BMPER: variants seen among roughly 807,000 people sequenced by gnomAD.
BMPER encodes the protein BMP binding endothelial regulator.
A neutral mutation model predicts 87.3 loss-of-function variants in BMPER; 45 were observed. The ratio of observed to expected loss-of-function variants is 0.52; its 90% CI spans 0.41 to 0.66. The LOEUF (loss-of-function observed/expected upper bound fraction) is 0.66. Among genes scored for constraint, BMPER ranks in the 30% least tolerant of loss-of-function variants. The pLI, the probability that BMPER is intolerant of heterozygous loss-of-function variation, is 0.00. For synonymous variants in BMPER, 326 were observed against 316.2 expected, an observed-to-expected ratio of 1.03 and a Z score of -0.33; for missense variants, 784 against 867.5, an observed-to-expected ratio of 0.90 and a Z score of 1.21.
At chr7:34,047,380 G>C (rs1788003057) in intron 7 of BMPER, among the ~76,000 whole-genome samples, 1 of 152,088 alleles carries the variant, frequency 6.6e-6, no homozygotes, top group South Asian at 2.1e-4. Flanking sequence ...CTGGGTTCAA[G>C]TGATTCTTGT....
chr7:33,907,744 C>G (rs1178372950), intron 2 of BMPER, among the ~76,000 whole-genome samples: 1 of 152,152 alleles, frequency 6.6e-6, no homozygotes, highest in Non-Finnish European at 1.5e-5. Flanking sequence ...CATTATAAAA[C>G]CTTGTTGGAA....
At chr7:34,084,640 T>G (rs774235142) in intron 12 of BMPER, among the ~76,000 whole-genome samples, 4 of 152,228 alleles carry the variant, frequency 2.6e-5, no homozygotes, top group Non-Finnish European at 5.9e-5. Flanking sequence ...CAGAAGACTT[T>G]TCATGAAAGC....
chr7:34,140,506 A>G (rs1430052867), intron 13 of BMPER, among the ~76,000 whole-genome samples: 2 of 152,364 alleles, frequency 1.3e-5, no homozygotes, highest in Middle Eastern at 3.4e-3. Context: ...TTGATCATAT[A>G]AAAAGCTCAC....
At chr7:33,979,915 C>A (rs915361875) in intron 6 of BMPER, among the ~76,000 whole-genome samples, 1 of 152,206 alleles carries the variant, frequency 6.6e-6, no homozygotes, top group African/African-American at 2.4e-5. Context: ...GGAAGACACT[C>A]GTCTTATGGA....
At chr7:33,984,127 G>A (rs919730388) in intron 6 of BMPER, among the ~76,000 whole-genome samples, 4 of 152,024 alleles carry the variant, frequency 2.6e-5, no homozygotes, top group Non-Finnish European at 4.4e-5. Flanking sequence ...GATAGTTTCC[G>A]GGCAGAGCCA....
chr7:33,966,532 G>A lies in BMPER; in HGVS notation c.373G>A (p.Ala125Thr), dbSNP rs1785410246. ...CAGCTCCTTCAAATGGCAGAGCCCG[G>A]CTGAGCCTTGTGTTCTACGCCAGTG... ...YNSSFKWQSP[A>T]EPCVLRQCQE... The change falls in exon 4 of 15, where the codon GCT (alanine) becomes ACT (threonine). Residue 125 changes from alanine (A) to threonine (T), a missense_variant. Physicochemically the swap from Ala to Thr is moderately conservative, Grantham distance 58 (BLOSUM62 0). Coordinates refer to ENST00000649409, the MANE Select transcript of BMPER (RefSeq NM_001365308.1). The A allele has an allele frequency of 1.2e-6, 2 of 1,613,694 alleles. No homozygotes were observed. The highest frequency in any genetic ancestry group is 1.3e-5 in the African/African-American group (1 of 74,918).
intron 3 of BMPER, among the ~76,000 whole-genome samples, chr7:33,944,942 G>A (rs1460749780): frequency 1.3e-5 from 2 of 152,024 alleles, no homozygotes; most frequent in East Asian, 3.9e-4. Context: ...CATTATTCCT[G>A]CAGGCAAACA....
At chr7:34,015,920 A>G (rs1039631170) in intron 6 of BMPER, among the ~76,000 whole-genome samples, 2 of 151,824 alleles carry the variant, frequency 1.3e-5, no homozygotes, top group African/African-American at 4.8e-5. Context: ...CATTTTTGGA[A>G]TCGTGACTTT....
At chr7:33,939,570 A>C (rs1784699196) in intron 3 of BMPER, among the ~76,000 whole-genome samples, 1 of 152,142 alleles carries the variant, frequency 6.6e-6, no homozygotes. Context: ...TAATCCCCAT[A>C]TGTCAAGGGA....
intron 13 of BMPER, among the ~76,000 whole-genome samples, chr7:34,139,585 A>G (rs1365842817): frequency 6.6e-6 from 1 of 152,236 alleles, no homozygotes; most frequent in Non-Finnish European, 1.5e-5. Context: ...AAATACAGGT[A>G]AGAAAATTAA....
Position 33,912,757 on chromosome 7 carries a change from C to T in BMPER, c.219+5854C>T, listed in dbSNP as rs146289082. 3.4e-3 allele frequency among the ~76,000 whole-genome samples: 511 copies of T among 152,276 alleles called. 2 individuals carry two copies. Among genetic ancestry groups the T allele is most frequent in the African/African-American group, 0.012 (489 of 41,554 alleles). On this transcript the variant is annotated intron_variant, in intron 2 of 14. Transcript: ENST00000649409. ...TCATGGCAGTGGGAGGTCAAGTGTGCTTGTTGAACTTAGTTAAGATCAGCA... is the reference window on the plus strand; with the variant it reads ...TCATGGCAGTGGGAGGTCAAGTGTGTTTGTTGAACTTAGTTAAGATCAGCA...
chr7:34,145,613 C>T (rs1331031975), intron 14 of BMPER, among the ~76,000 whole-genome samples: 23 of 152,206 alleles, frequency 1.5e-4, no homozygotes, highest in African/African-American at 2.4e-5. Context: ...TTTTGAATCC[C>T]CTTTCCCTTG....
At chr7:34,030,037 A>G (rs1255596879) in intron 6 of BMPER, among the ~76,000 whole-genome samples, 5 of 152,106 alleles carry the variant, frequency 3.3e-5, no homozygotes, top group African/African-American at 9.7e-5. Context: ...CAAAAATTCA[A>G]TTCAATTCTG....
chr7:33,993,275 C>T (rs1247822078), intron 6 of BMPER, among the ~76,000 whole-genome samples: 1 of 151,738 alleles, frequency 6.6e-6, no homozygotes, highest in African/African-American at 2.4e-5. Flanking sequence ...TAGATTTGGT[C>T]TTTTCACATA....
intron 2 of BMPER, among the ~76,000 whole-genome samples, chr7:33,909,565 C>T (rs997031584): frequency 1.7e-4 from 26 of 151,160 alleles, no homozygotes; most frequent in African/African-American, 6.3e-4. Context: ...ATGTAATAGT[C>T]TCAACTGTAC....
intron 11 of BMPER, among the ~76,000 whole-genome samples, chr7:34,065,243 T>TCTCCCTCTCTCC (rs1554313036): frequency 7.7e-6 from 1 of 130,262 alleles, no homozygotes. Flanking sequence ...TCTCTCTCTC[T>TCTCCCTCTCTCC]CTCTCCCTCT....
intron 3 of BMPER, among the ~76,000 whole-genome samples, chr7:33,958,976 G>A (rs185607848): frequency 6.6e-6 from 1 of 152,068 alleles, no homozygotes; most frequent in Non-Finnish European, 1.5e-5. Context: ...CACAAGATAC[G>A]CTGGTTTTAT....
intron 3 of BMPER, among the ~76,000 whole-genome samples, chr7:33,955,172 C>T (rs1415453481): frequency 6.6e-6 from 1 of 152,232 alleles, no homozygotes; most frequent in East Asian, 1.9e-4. Context: ...GCTGGGATTA[C>T]AGGCGTAAGC....
chr7:34,066,992 A>C (rs868648115), intron 11 of BMPER, among the ~76,000 whole-genome samples: 14 of 152,220 alleles, frequency 9.2e-5, no homozygotes, highest in African/African-American at 3.4e-4. Flanking sequence ...CTGTAGCTAC[A>C]TCAGACCTAA....
Sources: gnomAD v4.1 joint callset for allele counts (sites outside exome capture counted in the v4.1 genomes callset) on GRCh38, gnomAD v4.1.1 for gene constraint, MANE v1.5 for transcripts, NCBI Gene and HGNC (gene_info 2026-07-23, HGNC 2026-07-21) for gene names.